NCKAP1L: variants seen among roughly 807,000 people sequenced by gnomAD.
NCKAP1L encodes NCK associated protein 1 like, also known as nck-associated protein 1-like.
Under a neutral mutation model 139.2 loss-of-function variants are expected in NCKAP1L, and 53 were observed. That is an observed-to-expected ratio of 0.38 (90% CI 0.31 to 0.48). The LOEUF is 0.48. NCKAP1L is among the 20% of genes least tolerant of loss of function. The pLI is 0.98. For synonymous variants in NCKAP1L, 468 were observed against 499.7 expected, an observed-to-expected ratio of 0.94 and a Z score of 0.85; for missense variants, 1,151 against 1,381.9, an observed-to-expected ratio of 0.83 and a Z score of 2.65.
chr12:54,539,965 G>A (rs1402051990), intron 30 of NCKAP1L, among the ~76,000 whole-genome samples: 2 of 152,222 alleles, frequency 1.3e-5, no homozygotes, highest in Admixed American at 6.5e-5. Context: ...AAGTCTACAA[G>A]TGCACACAAA....
At chr12:54,522,992 A>G (rs1301709817) in intron 18 of NCKAP1L, among the ~76,000 whole-genome samples, 1 of 152,210 alleles carries the variant, frequency 6.6e-6, no homozygotes, top group Admixed American at 6.5e-5. Context: ...GTAGTATGTG[A>G]GATGATTGTC....
chr12:54,510,026 T>TG (rs1383502929), intron 7 of NCKAP1L, 41 bp downstream of exon 7: 1 of 1,610,570 alleles, frequency 6.2e-7, no homozygotes. Context: ...GCATTCTCTT[T>TG]GCCAAGGCCA....
intron 2 of NCKAP1L, 77 bp from the exon 3 acceptor site, chr12:54,500,456 C>T: frequency 2.0e-6 from 2 of 1,008,732 alleles, no homozygotes; most frequent in Middle Eastern, 4.1e-4. Flanking sequence ...TAGGTATAAC[C>T]ACTGTTCTTC....
In NCKAP1L at chr12:54,546,919, G is replaced by A. The variant is rs985602942; in HGVS notation, c.*4234G>A. The A allele has an allele frequency of 1.3e-5, 2 of 152,204 alleles. No individual in the cohort carries two copies. The highest frequency in any genetic ancestry group is 2.9e-5 in the Non-Finnish European group (2 of 68,056). 9.4% of individuals were successfully genotyped at this position (152,204 alleles called of 1,614,324 possible). Reference sequence around the variant, plus strand: ...TGCCCCTTTAAATAGCATTCCCGTAGGAGGCAGATCACATCCATCCGTCAC... The same window carrying A: ...TGCCCCTTTAAATAGCATTCCCGTAAGAGGCAGATCACATCCATCCGTCAC... On this transcript the variant is annotated 3_prime_UTR_variant, in exon 31 of 31. Coordinates refer to ENST00000293373, the MANE Select transcript of NCKAP1L (RefSeq NM_005337.5).
At chr12:54,540,960 G>A (rs981245184) in intron 30 of NCKAP1L, among the ~76,000 whole-genome samples, 3 of 152,206 alleles carry the variant, frequency 2.0e-5, no homozygotes, top group Non-Finnish European at 2.9e-5. Context: ...GGAAATGACC[G>A]AAGGTGAAGG....
chr12:54,504,608 G>C (rs1956826601), intron 3 of NCKAP1L, among the ~76,000 whole-genome samples: 1 of 152,188 alleles, frequency 6.6e-6, no homozygotes, highest in Non-Finnish European at 1.5e-5. Flanking sequence ...GAAAGGAGGG[G>C]AAATAGGGAC....
At chr12:54,505,667 C>CTT (rs60187117) in intron 3 of NCKAP1L, among the ~76,000 whole-genome samples, 1,809 of 144,590 alleles carry the variant, frequency 0.013, 14 homozygotes, top group African/African-American at 0.021. Context: ...CCCGTCCTCC[C>CTT]TTTTTTTTTT....
At chr12:54,498,524 A>C (rs1467204300) in intron 1 of NCKAP1L, among the ~76,000 whole-genome samples, 6 of 151,850 alleles carry the variant, frequency 4.0e-5, no homozygotes, top group Admixed American at 3.9e-4. Context: ...AGATAAAGAC[A>C]GGGGTGTTTA....
intron 20 of NCKAP1L, among the ~76,000 whole-genome samples, chr12:54,524,425 T>C (rs1425089280): frequency 1.3e-5 from 2 of 152,170 alleles, no homozygotes; most frequent in South Asian, 2.1e-4. Context: ...TCCTGACATA[T>C]GTTAGGCTTT....
chr12:54,522,581 A>G (rs1956992648), intron 18 of NCKAP1L, among the ~76,000 whole-genome samples: 1 of 152,228 alleles, frequency 6.6e-6, no homozygotes, highest in South Asian at 2.1e-4. Context: ...CTCAGGGTTG[A>G]CACATCTTTT....
intron 18 of NCKAP1L, 146 bp from the exon 19 acceptor site, chr12:54,523,248 A>T: frequency 1.1e-6 from 1 of 908,898 alleles, no homozygotes; most frequent in Non-Finnish European, 1.7e-6. Context: ...GGCCCCCATT[A>T]AAGAAAGAGG....
chr12:54,528,351 G>A lies in NCKAP1L; in HGVS notation c.2480G>A (p.Ser827Asn). The A allele has an allele frequency of 6.2e-7, 1 of 1,613,988 alleles. No individual in the cohort carries two copies. The highest frequency in any genetic ancestry group is 8.5e-7 in the Non-Finnish European group (1 of 1,179,944). ...SLPREGEQNFSAEEFSDISEM... is the reference protein window; with the variant it reads ...SLPREGEQNFNAEEFSDISEM... The stretch of plus-strand genomic sequence containing the variant: ...CCCAGAGAAGGGGAGCAGAACTTCA[G>A]TGCAGAGGAGTTCTCTGACATCTCT... The change falls in exon 22 of 31, where the codon AGT (serine) becomes AAT (asparagine). Residue 827 changes from serine (S) to asparagine (N), a missense_variant. Ser to Asn is a conservative substitution (Grantham distance 46, BLOSUM62 1). Transcript: ENST00000293373.
At chr12:54,505,063 C>T (rs1023565071) in intron 3 of NCKAP1L, among the ~76,000 whole-genome samples, 4 of 152,212 alleles carry the variant, frequency 2.6e-5, no homozygotes, top group Non-Finnish European at 5.9e-5. Flanking sequence ...AAATCAAAAG[C>T]TCTGGATTCA....
intron 21 of NCKAP1L, among the ~76,000 whole-genome samples, chr12:54,527,392 T>C (rs1178800585): frequency 1.3e-5 from 2 of 152,130 alleles, no homozygotes; most frequent in Non-Finnish European, 2.9e-5. Flanking sequence ...CAAATGCCAG[T>C]TGGGGCCAGG....
chr12:54,515,206 G>A (rs1401011694), intron 9 of NCKAP1L, among the ~76,000 whole-genome samples: 2 of 152,160 alleles, frequency 1.3e-5, no homozygotes, highest in Non-Finnish European at 2.9e-5. Flanking sequence ...TTGCTGTGAA[G>A]TTGAATGTTG....
At chr12:54,500,499 A>T (rs1439774680) in intron 2 of NCKAP1L, 34 bp from the exon 3 acceptor site, 1 of 1,416,390 alleles carries the variant, frequency 7.1e-7, no homozygotes, top group East Asian at 2.3e-5. Flanking sequence ...CTTATTTTGC[A>T]CTTTTTTATT....
chr12:54,521,887 T>C (rs1243759844), intron 18 of NCKAP1L, among the ~76,000 whole-genome samples: 5 of 51,776 alleles, frequency 9.7e-5, no homozygotes, highest in African/African-American at 2.1e-4. Context: ...AGTGTGTGTA[T>C]GTGTGTGTGT....
At position 54,536,117 on chromosome 12, in the gene NCKAP1L, C is replaced by T; in HGVS notation, c.2957-12C>T. ...ATTCACTTTTCCTCTTTTCCTTTTT[C>T]CCTCTCACCAGATACTTCATCTCCT... is the stretch of plus-strand genomic sequence containing the variant. On this transcript the variant is annotated splice_polypyrimidine_tract_variant and intron_variant, in intron 27 of 30. Transcript: ENST00000293373. 1 of 1,584,682 alleles carries T rather than the reference C, an allele frequency of 6.3e-7. No individual in the cohort carries two copies. Among genetic ancestry groups the T allele is most frequent in the Non-Finnish European group, 8.7e-7 (1 of 1,154,326 alleles).
At chr12:54,535,560 T>A (rs1308098978) in intron 27 of NCKAP1L, among the ~76,000 whole-genome samples, 3 of 152,238 alleles carry the variant, frequency 2.0e-5, no homozygotes. Flanking sequence ...AATAGTGGGT[T>A]GTGTGGTATA....
Sources: gnomAD v4.1 joint callset for allele counts (sites outside exome capture counted in the v4.1 genomes callset) on GRCh38, gnomAD v4.1.1 for gene constraint, MANE v1.5 for transcripts, NCBI Gene and HGNC (gene_info 2026-07-23, HGNC 2026-07-21) for gene names.